The following CNTN3 variants were observed in gnomAD, a reference collection of about 807,000 sequenced individuals.
CNTN3 encodes the protein contactin 3.
CNTN3 carries 60 observed loss-of-function variants against 119.1 expected under a neutral mutation model. The observed-to-expected ratio is 0.50, with a 90% CI of 0.41 to 0.62. The LOEUF (loss-of-function observed/expected upper bound fraction) is 0.62. CNTN3 is among the 20% of genes least tolerant of loss of function. The probability of loss-of-function intolerance (pLI) is 0.00; values close to 1 mark genes in which losing one functional copy is unlikely to be tolerated. For missense variants in CNTN3, 1,101 were observed against 1,242.4 expected, an observed-to-expected ratio of 0.89 and a Z score of 1.71; for synonymous variants, 450 against 438.7, an observed-to-expected ratio of 1.03 and a Z score of -0.32.
At chr3:74,552,256 A>C (rs1377873325) in intron 1 of CNTN3, among the ~76,000 whole-genome samples, 2 of 152,176 alleles carry the variant, frequency 1.3e-5, no homozygotes, top group Non-Finnish European at 2.9e-5. Flanking sequence ...GCTGCCATAA[A>C]CGTCCATGTG....
intron 4 of CNTN3, among the ~76,000 whole-genome samples, chr3:74,482,964 G>C (rs1702789002): frequency 6.6e-6 from 1 of 151,882 alleles, no homozygotes; most frequent in African/African-American, 2.4e-5. Flanking sequence ...CATCTTCTTT[G>C]GTTTTTTATC....
At chr3:74,387,192 G>T (rs551280881) in intron 5 of CNTN3, among the ~76,000 whole-genome samples, 7 of 152,032 alleles carry the variant, frequency 4.6e-5, no homozygotes, top group African/African-American at 7.2e-5. Flanking sequence ...GCAATTTTTG[G>T]AGACACAGAG....
chr3:74,300,355 C>T (rs1221183088), intron 16 of CNTN3, among the ~76,000 whole-genome samples: 1 of 152,140 alleles, frequency 6.6e-6, no homozygotes, highest in Non-Finnish European at 1.5e-5. Flanking sequence ...CAGACTCAAA[C>T]CCTCGAATCT....
At chr3:74,457,361 C>G (rs1702289325) in intron 4 of CNTN3, among the ~76,000 whole-genome samples, 1 of 151,966 alleles carries the variant, frequency 6.6e-6, no homozygotes, top group Non-Finnish European at 1.5e-5. Context: ...CACTGATTTA[C>G]AAGTAACTGG....
At chr3:74,568,524 G>A (rs1310950717) in intron 1 of CNTN3, among the ~76,000 whole-genome samples, 1 of 152,162 alleles carries the variant, frequency 6.6e-6, no homozygotes, top group Non-Finnish European at 1.5e-5. Flanking sequence ...CAGGTCCTGG[G>A]ATGACAACCT....
At chr3:74,561,319 C>T (rs1189784363) in intron 1 of CNTN3, among the ~76,000 whole-genome samples, 1 of 152,060 alleles carries the variant, frequency 6.6e-6, no homozygotes, top group Non-Finnish European at 1.5e-5. Context: ...ACTTATTTCC[C>T]TGCTTAAATG....
At chr3:74,406,429 T>C (rs1705324591) in intron 5 of CNTN3, among the ~76,000 whole-genome samples, 2 of 152,062 alleles carry the variant, frequency 1.3e-5, no homozygotes, top group African/African-American at 4.8e-5. Context: ...TATCTTGACA[T>C]TGTGGTAATA....
chr3:74,516,584 T>C (rs1002490968), intron 2 of CNTN3, among the ~76,000 whole-genome samples: 1 of 150,852 alleles, frequency 6.6e-6, no homozygotes, highest in African/African-American at 2.5e-5. Flanking sequence ...AGGCTCTAAG[T>C]ATAACAGTTA....
intron 1 of CNTN3, among the ~76,000 whole-genome samples, chr3:74,582,342 G>A (rs1033375524): frequency 1.3e-5 from 2 of 151,868 alleles, no homozygotes; most frequent in Non-Finnish European, 2.9e-5. Context: ...GGAGGCAGAG[G>A]CTGCAGTGAG....
intron 2 of CNTN3, among the ~76,000 whole-genome samples, chr3:74,501,803 G>T (rs78729638): frequency 7.2e-6 from 1 of 138,358 alleles, no homozygotes; most frequent in Non-Finnish European, 1.6e-5. Flanking sequence ...AAAAAAAAAA[G>T]CTTCCGTTTC....
chr3:74,494,058 G>A (rs902017421), intron 3 of CNTN3, among the ~76,000 whole-genome samples: 9 of 152,104 alleles, frequency 5.9e-5, no homozygotes, highest in African/African-American at 1.9e-4. Context: ...ATTATTTCAA[G>A]GAGTGTTACA....
intron 5 of CNTN3, among the ~76,000 whole-genome samples, chr3:74,387,746 CT>C (rs1429865848): frequency 6.6e-6 from 1 of 152,198 alleles, no homozygotes; most frequent in African/African-American, 2.4e-5. Flanking sequence ...AGAGAACTTG[CT>C]TTGACTTTAA....
intron 4 of CNTN3, among the ~76,000 whole-genome samples, chr3:74,467,282 T>G (rs1318235118): frequency 6.6e-6 from 1 of 152,076 alleles, no homozygotes; most frequent in Admixed American, 6.6e-5. Context: ...AATGCAGAAT[T>G]ATGAAAAGAT....
intron 2 of CNTN3, among the ~76,000 whole-genome samples, chr3:74,513,098 T>C (rs1703397289): frequency 2.0e-5 from 3 of 152,106 alleles, no homozygotes; most frequent in African/African-American, 7.2e-5. Context: ...CACACAAATG[T>C]TGCCATCTCC....
At chr3:74,292,490 C>T (rs1379741245) in intron 19 of CNTN3, among the ~76,000 whole-genome samples, 3 of 152,156 alleles carry the variant, frequency 2.0e-5, no homozygotes, top group South Asian at 2.1e-4. Flanking sequence ...TGCTTGAACC[C>T]AGGAGGGGGA....
chr3:74,559,994 T>A (rs1423406899), intron 1 of CNTN3, among the ~76,000 whole-genome samples: 1 of 152,130 alleles, frequency 6.6e-6, no homozygotes, highest in African/African-American at 2.4e-5. Context: ...GCATCATCCA[T>A]TCAAAGAGTG....
intron 1 of CNTN3, among the ~76,000 whole-genome samples, chr3:74,554,903 T>G (rs907979527): frequency 6.6e-6 from 1 of 152,222 alleles, no homozygotes; most frequent in African/African-American, 2.4e-5. Context: ...ATACCCTTTA[T>G]TGCTTTCCCT....
At chr3:74,313,331 G>A (rs1018608762) in intron 13 of CNTN3, among the ~76,000 whole-genome samples, 1 of 151,874 alleles carries the variant, frequency 6.6e-6, no homozygotes, top group Admixed American at 6.6e-5. Context: ...GGAGCACAGA[G>A]AACACCAAGT....
chr3:74,457,125 ATAT>A (rs1702284733), intron 4 of CNTN3, among the ~76,000 whole-genome samples: 1 of 152,100 alleles, frequency 6.6e-6, no homozygotes, highest in Admixed American at 6.6e-5. Flanking sequence ...TTTTGTTTTA[ATAT>A]TATTAACACC....
Sources: gnomAD v4.1 joint callset for allele counts (sites outside exome capture counted in the v4.1 genomes callset) on GRCh38, gnomAD v4.1.1 for gene constraint, MANE v1.5 for transcripts, NCBI Gene and HGNC (gene_info 2026-07-23, HGNC 2026-07-21) for gene names.